Variants in KIF19 observed in about 807,000 individuals in gnomAD.
The protein encoded by KIF19 is kinesin family member 19.
In KIF19, 98 loss-of-function variants were observed where a neutral mutation model predicts 106.6. That is an observed-to-expected ratio of 0.92 (90% CI 0.78 to 1.09). KIF19 has a LOEUF of 1.09. Among genes scored for constraint, KIF19 ranks in the 50% least tolerant of loss-of-function variants. The pLI, the probability that KIF19 is intolerant of heterozygous loss-of-function variation, is 0.00. For synonymous variants in KIF19, 516 were observed against 584.2 expected (o/e 0.88, Z 1.68); for missense variants, 1,373 against 1,414.3 (o/e 0.97, Z 0.47).
At chr17:74,351,328 C>CAAAAAAAAAA (rs66627748) in intron 12 of KIF19, 6 of 79,276 alleles carry the variant, frequency 7.6e-5, no homozygotes, top group African/African-American at 2.6e-4. Context: ...ACTAAAAATA[C>CAAAAAAAAAA]AAAAAAAAAA....
intron 3 of KIF19, 57 bp from the exon 4 acceptor site, chr17:74,342,573 G>A (rs957128461): frequency 6.7e-6 from 9 of 1,338,294 alleles, no homozygotes; most frequent in Non-Finnish European, 9.7e-6. Flanking sequence ...GAGCCAGTGG[G>A]TGCCTGTGCT....
At chr17:74,342,044 C>T in intron 3 of KIF19, 58 bp downstream of exon 3, 1 of 1,339,240 alleles carries the variant, frequency 7.5e-7, no homozygotes, top group Admixed American at 1.7e-5. Flanking sequence ...CTTAGCCCCA[C>T]TCAGGAGGGG....
In KIF19 at chr17:74,340,267, T is replaced by C. The variant is rs1231589803; in HGVS notation, c.121-1609T>C. Among the ~76,000 whole-genome samples the C allele has an allele frequency of 3.3e-5, 5 of 152,164 alleles. No individual in the cohort carries two copies. In the East Asian group the frequency reaches 9.6e-4, roughly 29 times the overall value. ...CAAACTCAAGCCCTCCCACGCATCT[T>C]TGAATGTCTCCCGTCATTTCCATGA... On this transcript the variant is annotated intron_variant, in intron 2 of 19. Transcript: ENST00000389916.
intron 9 of KIF19, among the ~76,000 whole-genome samples, 180 bp downstream of exon 9, chr17:74,348,079 G>A (rs566914710): frequency 1.2e-4 from 19 of 152,262 alleles, no homozygotes; most frequent in African/African-American, 4.1e-4. Flanking sequence ...CTCCTCTGCC[G>A]GGAAGCCGAC....
In KIF19 at chr17:74,340,556, T is replaced by TACACACACACACACACACAC. The variant is rs61173377; in HGVS notation, c.121-1302_121-1301insACACACACACACACACACAC. ...ACGTGCCAGCAGGTATGCGCGCGCG[T>TACACACACACACACACACAC]ACACACACACACACACACTGCTGCC... On this transcript the variant is annotated intron_variant, in intron 2 of 19. Coordinates refer to ENST00000389916, the MANE Select transcript of KIF19 (RefSeq NM_153209.4). Among the ~76,000 whole-genome samples the TACACACACACACACACACAC allele has an allele frequency of 8.6e-5, 13 of 151,902 alleles. No individual in the cohort carries two copies. The South Asian group carries it at 2.5e-3, about 29-fold the overall frequency.
intron 2 of KIF19, among the ~76,000 whole-genome samples, chr17:74,338,599 G>A (rs1245116636): frequency 1.3e-5 from 2 of 151,902 alleles, no homozygotes; most frequent in Admixed American, 6.6e-5. Context: ...AAGGGGCCTT[G>A]CCAGATACCT....
chr17:74,344,710 C>CGGTGCT (rs1555622421), intron 6 of KIF19, 51 bp from the exon 7 acceptor site: 3 of 1,553,040 alleles, frequency 1.9e-6, no homozygotes, highest in Non-Finnish European at 2.6e-6. Flanking sequence ...TCCTCTCTGC[C>CGGTGCT]GGAGCACCTA....
At chr17:74,354,054 G>A (rs2054799982) in intron 17 of KIF19, 108 bp from the exon 18 acceptor site, 4 of 1,279,164 alleles carry the variant, frequency 3.1e-6, no homozygotes, top group East Asian at 4.7e-5. Flanking sequence ...GGAAGTGCTA[G>A]GATTGAAACC....
chr17:74,353,048 A>C, intron 15 of KIF19, 94 bp downstream of exon 15: 1 of 1,508,712 alleles, frequency 6.6e-7, no homozygotes, highest in South Asian at 1.2e-5. Context: ...ACAGAGCAGC[A>C]ATGAGAGGGA....
chr17:74,353,375 G>A, intron 16 of KIF19, 74 bp downstream of exon 16: 2 of 1,455,308 alleles, frequency 1.4e-6, no homozygotes, highest in Non-Finnish European at 1.9e-6. Flanking sequence ...GACAGCAGCA[G>A]TTGGGATGGA....
In KIF19 at chr17:74,346,542, G is replaced by T; in HGVS notation, c.924+18G>T. The T allele has an allele frequency of 6.5e-7, 1 of 1,548,962 alleles. No individual in the cohort carries two copies. The highest frequency in any genetic ancestry group is 8.7e-7 in the Non-Finnish European group (1 of 1,145,216). On this transcript the variant is annotated intron_variant, in intron 8 of 19. Transcript: ENST00000389916. The surrounding 1 kb of genome is among the most constrained non-coding windows in gnomAD (Gnocchi z 4.6). ...TCCTGAAGGTACCAGCCACAGCTGG[G>T]CCTGGGCACTGGGCACCAAGGGTGA...
rs752163964 is a variant in KIF19 at position 74,354,549 on chromosome 17, C to T, written c.2696C>T (p.Thr899Ile). The T allele has an allele frequency of 2.5e-6, 4 of 1,595,490 alleles. No homozygotes were observed. The highest frequency in any genetic ancestry group is 1.3e-5 in the African/African-American group (1 of 74,690). Residue 899 changes from threonine (T) to isoleucine (I), a missense_variant, in exon 18 of 20, where the codon ACC becomes ATC. Thr to Ile is a moderately conservative substitution (Grantham distance 89). Transcript: ENST00000389916. Reference sequence around the variant, plus strand: ...CGGAGGTCCCGATCCTTCGAGGTCACCGGGCAAGGGGTGAGGCGAGGCGCA... The same window carrying T: ...CGGAGGTCCCGATCCTTCGAGGTCATCGGGCAAGGGGTGAGGCGAGGCGCA... ...RKRRSRSFEV[T>I]GQGLSHPKTH...
At chr17:74,343,885 AAC>A (rs1342783813) in intron 5 of KIF19, among the ~76,000 whole-genome samples, 1 of 152,098 alleles carries the variant, frequency 6.6e-6, no homozygotes, top group African/African-American at 2.4e-5. Flanking sequence ...GTCCCCATGC[AAC>A]TAGGTCAATG....
At chr17:74,343,537 G>A (rs2054444423) in intron 5 of KIF19, among the ~76,000 whole-genome samples, 1 of 152,184 alleles carries the variant, frequency 6.6e-6, no homozygotes, top group Admixed American at 6.5e-5. Context: ...GGAACCTGTG[G>A]GCCTTTGCCA....
rs558791824 is a variant in KIF19 at position 74,351,776 on chromosome 17, G to A, written c.1588-91G>A. Reference sequence around the variant, plus strand: ...AGGCTGGAGCTCCAGACAGATGCCTGGAGTCCAGGCGCTGGAGGGTCGAGG... The same window carrying A: ...AGGCTGGAGCTCCAGACAGATGCCTAGAGTCCAGGCGCTGGAGGGTCGAGG... On this transcript the variant is annotated intron_variant, in intron 12 of 19. Transcript: ENST00000389916. The A allele has an allele frequency of 5.3e-6, 7 of 1,315,020 alleles. No individual in the cohort carries two copies. The South Asian group carries it at 1.1e-4, about 20-fold the overall frequency. 81.5% of individuals were successfully genotyped at this position (1,315,020 alleles called of 1,614,324 possible).
chr17:74,343,772 C>T (rs750320196), intron 5 of KIF19, among the ~76,000 whole-genome samples: 106 of 152,204 alleles, frequency 7.0e-4, no homozygotes, highest in Admixed American at 1.2e-3. Flanking sequence ...CAGCAAGACT[C>T]GCTTTACGGG....
At chr17:74,350,131 A>G (rs1182169391) in intron 10 of KIF19, among the ~76,000 whole-genome samples, 4 of 152,102 alleles carry the variant, frequency 2.6e-5, no homozygotes, top group Non-Finnish European at 4.4e-5. Context: ...ACCTTTTTAT[A>G]GTTGGCACAG....
rs1357453101 is a variant in KIF19 at position 74,350,493 on chromosome 17, G to A, written c.1306G>A (p.Val436Met). The A allele has an allele frequency of 1.1e-5, 17 of 1,612,198 alleles. No individual in the cohort carries two copies. The Admixed American group carries it at 2.7e-4, about 25-fold the overall frequency. The change falls in exon 11 of 20, where the codon GTG becomes ATG. Residue 436 changes from valine (V) to methionine (M), a missense_variant. By Grantham distance (21) the Val-to-Met change is conservative (BLOSUM62 1). Coordinates refer to ENST00000389916, the MANE Select transcript of KIF19 (RefSeq NM_153209.4). ...CAGCGCCTTCCAGGAGCAGATGGAT[G>A]TGCGGAGGCGCCTGCTGGAGCTGGA... ...LASAFQEQMD[V>M]RRRLLELENR... is the part of the protein sequence containing the mutation.
intron 4 of KIF19, 116 bp from the exon 5 acceptor site, chr17:74,342,908 C>T (rs536921167): frequency 7.6e-7 from 1 of 1,318,914 alleles, no homozygotes; most frequent in African/African-American, 1.5e-5. Context: ...CACCACCTCC[C>T]TGGCCCTCTG....
Sources: allele counts gnomAD v4.1 joint callset (sites outside exome capture counted in the v4.1 genomes callset), GRCh38; gene constraint gnomAD v4.1.1; non-coding constraint Gnocchi (gnomAD v3.1); transcripts MANE v1.5; gene names NCBI Gene and HGNC (gene_info 2026-07-23, HGNC 2026-07-21).